Variants in PGAP4 observed in about 807,000 individuals in gnomAD.
PGAP4 encodes the protein post-GPI attachment to proteins GalNAc transferase 4, also known as GPI-N-acetylgalactosamine transferase PGAP4.
In PGAP4, 12 loss-of-function variants were observed where a neutral mutation model predicts 28.2. The observed-to-expected ratio is 0.42, with a 90% CI of 0.27 to 0.69. The LOEUF (loss-of-function observed/expected upper bound fraction) is 0.69. Ranked by LOEUF, PGAP4 falls within the 30% of genes least tolerant of loss-of-function variation. The pLI is 0.22. For synonymous variants in PGAP4, 205 were observed against 211.8 expected (o/e 0.97, Z 0.28); for missense variants, 425 against 513.5 (o/e 0.83, Z 1.67).
exon 1 of PGAP4, chr9:101,532,725 G>A (rs1441103521): frequency 1.3e-5 from 2 of 152,228 alleles, no homozygotes; most frequent in South Asian, 2.1e-4. Context: ...GTCCACTTGG[G>A]GCCAGTTAAT....
chr9:101,494,170 T>C (rs755849903), intron 2 of PGAP4, among the ~76,000 whole-genome samples: 10 of 152,026 alleles, frequency 6.6e-5, no homozygotes, highest in Non-Finnish European at 1.0e-4. Flanking sequence ...TTCTTGAAGA[T>C]AGGCATTTTA....
At chr9:101,479,110 AACCCC>A (rs1411069231) in intron 1 of PGAP4, among the ~76,000 whole-genome samples, 1 of 147,854 alleles carries the variant, frequency 6.8e-6, no homozygotes, top group Non-Finnish European at 1.5e-5. Context: ...TGAATTATGC[AACCCC>A]AGTCTTGCTG....
At chr9:101,494,898 T>A (rs527889734) in intron 2 of PGAP4, among the ~76,000 whole-genome samples, 123 of 151,082 alleles carry the variant, frequency 8.1e-4, no homozygotes, top group Admixed American at 4.5e-3. Flanking sequence ...ATAAATTTTA[T>A]ATATTTTTTC....
chr9:101,522,823 T>A (rs1368200501), intron 2 of PGAP4, among the ~76,000 whole-genome samples: 1 of 152,200 alleles, frequency 6.6e-6, no homozygotes, highest in Non-Finnish European at 1.5e-5. Flanking sequence ...ATAGGTCCTG[T>A]GTAATTTATG....
At chr9:101,498,987 T>G (rs1457592478) in intron 2 of PGAP4, among the ~76,000 whole-genome samples, 1 of 151,792 alleles carries the variant, frequency 6.6e-6, no homozygotes, top group Non-Finnish European at 1.5e-5. Context: ...AACCCAGGTG[T>G]GCAGATCAAA....
In PGAP4 at chr9:101,473,365, T is replaced by G. The variant is rs1826208515; in HGVS notation, c.*2516A>C. Reference sequence around the variant, plus strand: ...TCTTAGTTCTCCCTAGCCCCTTGCTTAGGATTAAGTGAGAGACTTCAGCTT... The same window carrying G: ...TCTTAGTTCTCCCTAGCCCCTTGCTGAGGATTAAGTGAGAGACTTCAGCTT... On this transcript the variant is annotated 3_prime_UTR_variant, in exon 2 of 2. Transcript: ENST00000374848. 1 of 152,220 alleles carries G rather than the reference T, an allele frequency of 6.6e-6. No homozygotes were observed. The highest frequency in any genetic ancestry group is 1.5e-5 in the Non-Finnish European group (1 of 68,034). The allele number at this position is 152,220 out of a possible 1,614,324, so 9.4% of individuals were successfully genotyped here. A position where few individuals can be genotyped will look rare whatever the true frequency, so the allele number is the denominator to read the frequency against.
At chr9:101,532,468 A>G (rs1588213243) in intron 1 of PGAP4, among the ~76,000 whole-genome samples, 1 of 152,198 alleles carries the variant, frequency 6.6e-6, no homozygotes, top group South Asian at 2.1e-4. Context: ...ACCACGCAGG[A>G]CAGCCAATAC....
At chr9:101,497,008 G>A (rs1438120588) in intron 2 of PGAP4, among the ~76,000 whole-genome samples, 1 of 150,418 alleles carries the variant, frequency 6.6e-6, no homozygotes, top group African/African-American at 2.4e-5. Context: ...TTAACTGTTA[G>A]TAACCTTAAA....
At chr9:101,506,259 T>A (rs1345805902) in intron 2 of PGAP4, among the ~76,000 whole-genome samples, 1 of 152,094 alleles carries the variant, frequency 6.6e-6, no homozygotes, top group African/African-American at 2.4e-5. Flanking sequence ...AAAAATCCAT[T>A]GGACATCTCA....
intron 2 of PGAP4, among the ~76,000 whole-genome samples, chr9:101,507,490 A>G (rs772240404): frequency 1.3e-5 from 2 of 152,092 alleles, no homozygotes; most frequent in Non-Finnish European, 2.9e-5. Flanking sequence ...TGAGTCCCTA[A>G]TATTTTCCTA....
chr9:101,517,585 A>C (rs1258697172), intron 2 of PGAP4, among the ~76,000 whole-genome samples: 1 of 152,158 alleles, frequency 6.6e-6, no homozygotes, highest in Non-Finnish European at 1.5e-5. Context: ...AAACTACATA[A>C]AAATAAAAGC....
chr9:101,512,806 A>G (rs745628478), intron 2 of PGAP4, among the ~76,000 whole-genome samples: 1 of 152,124 alleles, frequency 6.6e-6, no homozygotes, highest in South Asian at 2.1e-4. Context: ...TTAAGGGGGA[A>G]ATATTTGCAT....
rs538597654 is a variant in PGAP4, at chr9:101,476,100, C to T, written c.993G>A (p.Gln331=). Residue 331 remains glutamine (Q), a synonymous_variant, in exon 2 of 2, where the codon CAG becomes CAA. Coordinates refer to ENST00000374848, the MANE Select transcript of PGAP4 (RefSeq NM_032342.3). This position sits in a 1 kb window ranked among gnomAD's most constrained non-coding sequence, Gnocchi z 7.0. ...PSLYSVVPAS[Q]CCTPAMLFPA... The stretch of plus-strand genomic sequence containing the variant: ...GGAAGAGCATGGCTGGGGTGCAACA[C>T]TGAGAGGCAGGAACCACACTGTACA... The T allele has an allele frequency of 6.2e-7, 1 of 1,614,120 alleles. No individual in the cohort carries two copies. Among genetic ancestry groups the T allele is most frequent in the South Asian group, 1.1e-5 (1 of 91,082 alleles).
intron 2 of PGAP4, chr9:101,501,840 AG>A: frequency 2.0e-6 from 1 of 491,434 alleles, no homozygotes. Context: ...AATACAAAAA[AG>A]GGGGATCAAG....
chr9:101,476,770 G>A lies in PGAP4; in HGVS notation c.323C>T (p.Thr108Ile). 6.2e-7 allele frequency: 1 copy of A among 1,613,238 alleles called. No homozygotes were observed. Residue 108 changes from threonine to isoleucine, a missense_variant, in exon 2 of 2, where the codon ACT (threonine) becomes ATT (isoleucine). Transcript: ENST00000374848. The surrounding 1 kb of genome is among the most constrained non-coding windows in gnomAD (Gnocchi z 7.0). ...PRPWLVITII[T>I]VDRQPGFHYV... ...GTGGAAGCCAGGCTGCCTGTCCACAGTGATGATGGTGATCACCAGCCAGGG... is the reference window on the plus strand; with the variant it reads ...GTGGAAGCCAGGCTGCCTGTCCACAATGATGATGGTGATCACCAGCCAGGG...
intron 2 of PGAP4, among the ~76,000 whole-genome samples, chr9:101,505,505 C>A: frequency 6.6e-6 from 1 of 152,036 alleles, no homozygotes; most frequent in East Asian, 1.9e-4. Context: ...CCTCTCTATT[C>A]TCCTTTTCTT....
chr9:101,482,229 C>T lies in PGAP4; in HGVS notation c.-78+4720G>A, dbSNP rs537738590. Among the ~76,000 whole-genome samples the T allele has an allele frequency of 5.5e-4, 84 of 152,358 alleles. 1 individual carries two copies. The highest frequency in any genetic ancestry group is 5.2e-4 in the Admixed American group (8 of 15,312). On this transcript the variant is annotated intron_variant, in intron 1 of 1. Coordinates refer to ENST00000374848, the MANE Select transcript of PGAP4 (RefSeq NM_032342.3). ...TTGGGACGCCGAGGCAGGCGGATCA[C>T]GAGGTCAGGAGATCGAGACCATCCT...
chr9:101,528,327 T>C (rs1026402583), intron 2 of PGAP4, among the ~76,000 whole-genome samples: 1 of 152,180 alleles, frequency 6.6e-6, no homozygotes, highest in Non-Finnish European at 1.5e-5. Context: ...CCAATCATAA[T>C]AGTCCCTGGG....
intron 1 of PGAP4, among the ~76,000 whole-genome samples, chr9:101,484,084 A>G (rs1365324913): frequency 1.3e-5 from 2 of 152,326 alleles, no homozygotes; most frequent in East Asian, 3.9e-4. Flanking sequence ...CCCCTTTGAC[A>G]TAACGATCCT....
Sources: allele counts gnomAD v4.1 joint callset (sites outside exome capture counted in the v4.1 genomes callset), GRCh38; gene constraint gnomAD v4.1.1; non-coding constraint Gnocchi (gnomAD v3.1); transcripts MANE v1.5; gene names NCBI Gene and HGNC (gene_info 2026-07-23, HGNC 2026-07-21).